The following ANKRD28 variants were observed in gnomAD, a reference collection of about 807,000 sequenced individuals.
ANKRD28 encodes the protein serine/threonine-protein phosphatase 6 regulatory ankyrin repeat subunit A.
Under a neutral mutation model 126.5 loss-of-function variants are expected in ANKRD28, and 44 were observed. That is an observed-to-expected ratio of 0.35 (90% CI 0.27 to 0.45). The LOEUF (loss-of-function observed/expected upper bound fraction) is 0.45, where lower values mean the gene tolerates loss of function less well. Ranked by LOEUF, ANKRD28 falls within the 20% of genes least tolerant of loss-of-function variation. The pLI, the probability that ANKRD28 is intolerant of heterozygous loss-of-function variation, is 1.00. For synonymous variants in ANKRD28, 442 were observed against 468.5 expected (o/e 0.94, Z 0.73); for missense variants, 1,110 against 1,316.6 (o/e 0.84, Z 2.43).
intron 17 of ANKRD28, among the ~76,000 whole-genome samples, chr3:15,693,349 G>T (rs941970061): frequency 6.6e-6 from 1 of 151,544 alleles, no homozygotes; most frequent in African/African-American, 2.4e-5. Flanking sequence ...GAGAGAGAGA[G>T]ACCGACCCAC....
At chr3:15,722,873 C>T (rs978165390) in intron 7 of ANKRD28, among the ~76,000 whole-genome samples, 14 of 151,894 alleles carry the variant, frequency 9.2e-5, no homozygotes, top group Non-Finnish European at 2.1e-4. Context: ...CTCTAAAACT[C>T]TGGGAAGTTA....
At chr3:15,672,064 C>T (rs2066424267) in intron 27 of ANKRD28, among the ~76,000 whole-genome samples, 2 of 151,902 alleles carry the variant, frequency 1.3e-5, no homozygotes, top group South Asian at 2.1e-4. Context: ...TTTAGTTATA[C>T]ATTTCAACTA....
At chr3:15,714,550 C>CAA in intron 9 of ANKRD28, 28 bp downstream of exon 9, 2 of 1,477,872 alleles carry the variant, frequency 1.4e-6, no homozygotes, top group Non-Finnish European at 1.8e-6. Context: ...AAAAAAAACC[C>CAA]CAAAAAAAAA....
intron 3 of ANKRD28, among the ~76,000 whole-genome samples, chr3:15,757,398 C>A (rs2058220877): frequency 6.6e-6 from 1 of 152,094 alleles, no homozygotes; most frequent in Admixed American, 6.5e-5. Context: ...TGATCCATTT[C>A]CAGTTATAAC....
chr3:15,690,324 C>T, intron 17 of ANKRD28, 104 bp from the exon 18 acceptor site: 6 of 951,406 alleles, frequency 6.3e-6, no homozygotes, highest in Non-Finnish European at 9.1e-6. Context: ...TATTATTATC[C>T]TACTTGAGAT....
intron 4 of ANKRD28, among the ~76,000 whole-genome samples, chr3:15,743,590 A>ACACACACG (rs1559454907): frequency 6.8e-6 from 1 of 146,200 alleles, no homozygotes; most frequent in African/African-American, 2.6e-5. Flanking sequence ...ACACACACAC[A>ACACACACG]CACGCACACC....
At chr3:15,808,205 G>A (rs902709315) in intron 1 of ANKRD28, among the ~76,000 whole-genome samples, 4 of 152,124 alleles carry the variant, frequency 2.6e-5, no homozygotes, top group Admixed American at 2.0e-4. Context: ...AAGCAAATGG[G>A]GTTTTTGAGC....
Position 15,685,403 on chromosome 3 carries a change from G to T in ANKRD28, c.2212C>A (p.His738Asn). 6.2e-7 allele frequency: 1 copy of T among 1,613,970 alleles called. No individual in the cohort carries two copies. Among genetic ancestry groups the T allele is most frequent in the Non-Finnish European group, 8.5e-7 (1 of 1,179,866 alleles). ...TCCCGAAGTAAGCACTTAGCACCAT[G>T]TTGAAGTAATGCATCTACACATTCT... Reference protein sequence around the residue: ...HEECVDALLQHGAKCLLRDSR... With the variant: ...HEECVDALLQNGAKCLLRDSR... The change falls in exon 21 of 28, where the codon CAT becomes AAT. Residue 738 changes from histidine (H) to asparagine (N), a missense_variant. Transcript: ENST00000683139.
At chr3:15,813,047 C>CTT (rs34610698) in intron 1 of ANKRD28, among the ~76,000 whole-genome samples, 9 of 137,494 alleles carry the variant, frequency 6.5e-5, no homozygotes, top group Non-Finnish European at 6.4e-5. Flanking sequence ...TAATCACCTC[C>CTT]TTTTTTTTTT....
At chr3:15,703,788 G>C (rs1341346738) in intron 14 of ANKRD28, among the ~76,000 whole-genome samples, 1 of 152,224 alleles carries the variant, frequency 6.6e-6, no homozygotes, top group Non-Finnish European at 1.5e-5. Flanking sequence ...GGACGGAAGA[G>C]TTATGAAGTG....
At chr3:15,847,711 C>T (rs2125986096) in intron 1 of ANKRD28, among the ~76,000 whole-genome samples, 1 of 152,338 alleles carries the variant, frequency 6.6e-6, no homozygotes, top group Non-Finnish European at 1.5e-5. Context: ...TCTCTGGAAT[C>T]CATCCCTTTT....
Position 15,839,022 on chromosome 3 carries a change from C to T in ANKRD28, c.27+20355G>A, listed in dbSNP as rs1427805517. On this transcript the variant is annotated intron_variant, in intron 1 of 27. Coordinates refer to the ANKRD28 transcript ENST00000399451. The surrounding 1 kb of genome is among the most constrained non-coding windows in gnomAD (Gnocchi z 4.3). ...AGCCAGACAAAAAATGATCACGTAT[C>T]ATATGACTCCACTTATATAAAATGT... 1.3e-5 allele frequency among the ~76,000 whole-genome samples: 2 copies of T among 152,154 alleles called. No individual in the cohort carries two copies. Among genetic ancestry groups the T allele is most frequent in the African/African-American group, 4.8e-5 (2 of 41,428 alleles).
chr3:15,696,351 A>G, intron 14 of ANKRD28, 106 bp from the exon 15 acceptor site: 1 of 668,198 alleles, frequency 1.5e-6, no homozygotes, highest in Non-Finnish European at 2.5e-6. Flanking sequence ...ATACTTGAGT[A>G]ATATAAAAAT....
At chr3:15,771,210 G>T (rs1294264555) in intron 2 of ANKRD28, among the ~76,000 whole-genome samples, 1 of 152,034 alleles carries the variant, frequency 6.6e-6, no homozygotes, top group African/African-American at 2.4e-5. Context: ...AGGAGTTGGA[G>T]ACCAACCCGG....
At chr3:15,762,188 T>TAAAAAAAAAAAAAAAAAAAAAAAAAAA (rs1163421626) in intron 3 of ANKRD28, among the ~76,000 whole-genome samples, 1 of 64,972 alleles carries the variant, frequency 1.5e-5, no homozygotes, top group Non-Finnish European at 2.9e-5. Flanking sequence ...ACTATGTCTT[T>TAAAAAAAAAAAAAAAAAAAAAAAAAAA]AAAAAAAAAA....
rs1043673370 is a variant in ANKRD28, at chr3:15,853,977, A to G, written c.27+5400T>C. ...GTACTTAATGTTCTCGATCTGTACT[A>G]AAATATTTTACGTATGTTCTGATTT... On this transcript the variant is annotated intron_variant, in intron 1 of 27. Coordinates refer to the ANKRD28 transcript ENST00000399451. This position sits in a 1 kb window ranked among gnomAD's most constrained non-coding sequence, Gnocchi z 4.2. Among the ~76,000 whole-genome samples, 5 of 152,204 alleles carry G rather than the reference A, an allele frequency of 3.3e-5. No individual in the cohort carries two copies. In the South Asian group the frequency reaches 8.3e-4, roughly 25 times the overall value.
At chr3:15,776,192 A>G (rs1483028226) in intron 2 of ANKRD28, among the ~76,000 whole-genome samples, 2 of 152,270 alleles carry the variant, frequency 1.3e-5, no homozygotes, top group African/African-American at 2.4e-5. Flanking sequence ...TGGATGAATA[A>G]GAATTCTCAC....
At chr3:15,671,727 G>C (rs535823735) in intron 27 of ANKRD28, among the ~76,000 whole-genome samples, 1 of 151,898 alleles carries the variant, frequency 6.6e-6, no homozygotes, top group South Asian at 2.1e-4. Flanking sequence ...GGGATTACAC[G>C]TGTGTGCCAC....
intron 3 of ANKRD28, among the ~76,000 whole-genome samples, chr3:15,761,754 T>C (rs1029412302): frequency 6.6e-6 from 1 of 152,346 alleles, no homozygotes; most frequent in South Asian, 2.1e-4. Flanking sequence ...ATGTGTAGTA[T>C]ATCTTCTGTA....
Sources: gnomAD v4.1 joint callset for allele counts (sites outside exome capture counted in the v4.1 genomes callset) on GRCh38, gnomAD v4.1.1 for gene constraint, Gnocchi (gnomAD v3.1) non-coding constraint, MANE v1.5 for transcripts, NCBI Gene and HGNC (gene_info 2026-07-23, HGNC 2026-07-21) for gene names.